LDLRAD3: variants seen among roughly 807,000 people sequenced by gnomAD.
LDLRAD3 encodes the protein low-density lipoprotein receptor class A domain-containing protein 3.
Under a neutral mutation model 29.4 loss-of-function variants are expected in LDLRAD3, and 20 were observed. The observed-to-expected ratio is 0.68, with a 90% CI of 0.48 to 0.99. The LOEUF (loss-of-function observed/expected upper bound fraction) is 0.99. Ranked by LOEUF, LDLRAD3 falls within the 50% of genes least tolerant of loss-of-function variation. The pLI is 0.00. For synonymous variants in LDLRAD3, 157 were observed against 192.7 expected (o/e 0.81, Z 1.53); for missense variants, 420 against 454.3 (o/e 0.92, Z 0.69).
At position 36,072,206 on chromosome 11, in the gene LDLRAD3, G is replaced by A. The variant is rs564010304; in HGVS notation, c.194-9447G>A. 7.1e-4 allele frequency among the ~76,000 whole-genome samples: 108 copies of A among 152,300 alleles called. No individual in the cohort carries two copies. In the South Asian group the frequency reaches 0.012, roughly 16 times the overall value. On this transcript the variant is annotated intron_variant, in intron 2 of 5. Transcript: ENST00000315571. The stretch of plus-strand genomic sequence containing the variant: ...ACAGAGGTCTAGAAGAGAGATCCTG[G>A]AGACCCACAGCTACAGCAGGAGCTG...
chr11:36,224,818 G>A (rs867659065), intron 4 of LDLRAD3, among the ~76,000 whole-genome samples: 3 of 152,166 alleles, frequency 2.0e-5, no homozygotes, highest in African/African-American at 4.8e-5. Flanking sequence ...AATGTGTTTC[G>A]CAGGTTTGTG....
chr11:36,142,093 A>C (rs1854094636), intron 4 of LDLRAD3, among the ~76,000 whole-genome samples: 1 of 151,890 alleles, frequency 6.6e-6, no homozygotes, highest in East Asian at 1.9e-4. Flanking sequence ...CCCCTTCTTC[A>C]CTTTTGGGGA....
chr11:36,009,915 C>A (rs1267510572), intron 1 of LDLRAD3, among the ~76,000 whole-genome samples: 1 of 152,150 alleles, frequency 6.6e-6, no homozygotes, highest in Admixed American at 6.6e-5. Flanking sequence ...CACTCATGAT[C>A]GGATTCTACT....
chr11:36,020,523 G>A (rs961463103), intron 1 of LDLRAD3, among the ~76,000 whole-genome samples: 1 of 151,484 alleles, frequency 6.6e-6, no homozygotes, highest in African/African-American at 2.4e-5. Flanking sequence ...TCTCCATTTC[G>A]ATAGACACTC....
chr11:36,230,780 A>G lies in LDLRAD3; in HGVS notation c.*1383A>G, dbSNP rs1454728551. 1 of 152,596 alleles carries G rather than the reference A, an allele frequency of 6.6e-6. No homozygotes were observed. The highest frequency in any genetic ancestry group is 2.1e-4 in the South Asian group (1 of 4,810). The allele number at this position is 152,596 out of a possible 1,614,324, so 9.5% of individuals were successfully genotyped here. A position where few individuals can be genotyped will look rare whatever the true frequency, so the allele number is the denominator to read the frequency against. ...GGTCCAAAGAAAGATGCAAAAGGAG[A>G]TCACACCCTTGCCCCGCTGAGCCCC... On this transcript the variant is annotated 3_prime_UTR_variant, in exon 6 of 6. Transcript: ENST00000315571.
At chr11:36,003,956 C>T (rs1215044155) in intron 1 of LDLRAD3, among the ~76,000 whole-genome samples, 2 of 152,108 alleles carry the variant, frequency 1.3e-5, no homozygotes, top group African/African-American at 4.8e-5. Context: ...CATGAGAACT[C>T]ACTGTCACAA....
intron 1 of LDLRAD3, among the ~76,000 whole-genome samples, chr11:36,027,852 A>G (rs1852187506): frequency 6.6e-6 from 1 of 152,216 alleles, no homozygotes; most frequent in African/African-American, 2.4e-5. Flanking sequence ...GCCCTGGCTT[A>G]TCACAAGCCA....
At chr11:36,114,110 T>A (rs1853642391) in intron 4 of LDLRAD3, among the ~76,000 whole-genome samples, 1 of 152,214 alleles carries the variant, frequency 6.6e-6, no homozygotes, top group African/African-American at 2.4e-5. Flanking sequence ...ACTGAGCCGA[T>A]AGGTCAAAGG....
intron 4 of LDLRAD3, among the ~76,000 whole-genome samples, chr11:36,221,865 C>T (rs150098349): frequency 3.9e-5 from 6 of 152,284 alleles, no homozygotes; most frequent in African/African-American, 1.4e-4. Context: ...TATACATTCT[C>T]TACTGAACTT....
chr11:35,982,862 T>C (rs1753013184), intron 1 of LDLRAD3, among the ~76,000 whole-genome samples: 1 of 148,214 alleles, frequency 6.7e-6, no homozygotes, highest in Admixed American at 6.7e-5. Context: ...TTTTTTTTTT[T>C]TTTTTTTTTG....
intron 1 of LDLRAD3, among the ~76,000 whole-genome samples, chr11:36,005,894 G>A (rs903309579): frequency 6.6e-6 from 1 of 152,146 alleles, no homozygotes; most frequent in Non-Finnish European, 1.5e-5. Context: ...TGCCACACAT[G>A]TTTAAAGCAT....
chr11:36,027,616 AT>A (rs1852184768), intron 1 of LDLRAD3, among the ~76,000 whole-genome samples: 1 of 152,094 alleles, frequency 6.6e-6, no homozygotes, highest in Admixed American at 6.5e-5. Flanking sequence ...TTCTGGCCTT[AT>A]TGCTTAGTTG....
At chr11:36,051,462 A>G (rs1435970462) in intron 2 of LDLRAD3, among the ~76,000 whole-genome samples, 2 of 152,216 alleles carry the variant, frequency 1.3e-5, no homozygotes, top group East Asian at 1.9e-4. Flanking sequence ...AAAATGAGAT[A>G]GGAATAGTTC....
At chr11:35,947,824 C>T (rs879213816) in intron 1 of LDLRAD3, among the ~76,000 whole-genome samples, 1 of 152,162 alleles carries the variant, frequency 6.6e-6, no homozygotes, top group Admixed American at 6.5e-5. Context: ...CATGCCTTTC[C>T]TCCACAGTGC....
At chr11:36,098,780 T>C (rs1853402825) in intron 4 of LDLRAD3, among the ~76,000 whole-genome samples, 1 of 152,258 alleles carries the variant, frequency 6.6e-6, no homozygotes, top group African/African-American at 2.4e-5. Flanking sequence ...CAACGCTTTA[T>C]TGGGGCAATC....
chr11:36,156,553 T>C (rs1249568675), intron 4 of LDLRAD3, among the ~76,000 whole-genome samples: 1 of 152,232 alleles, frequency 6.6e-6, no homozygotes, highest in Non-Finnish European at 1.5e-5. Flanking sequence ...CCTTGAAATA[T>C]ACACAGATTG....
At chr11:36,227,496 A>G (rs891114821) in intron 5 of LDLRAD3, 66 bp downstream of exon 5, 1 of 1,225,086 alleles carries the variant, frequency 8.2e-7, no homozygotes. Context: ...GAATAGGTGC[A>G]CACACTGAGG....
chr11:36,114,319 C>T (rs182345609), intron 4 of LDLRAD3, among the ~76,000 whole-genome samples: 19 of 152,280 alleles, frequency 1.2e-4, no homozygotes, highest in Middle Eastern at 3.4e-3. Flanking sequence ...CGGTGCCAAC[C>T]GGGAGAAATC....
intron 1 of LDLRAD3, among the ~76,000 whole-genome samples, chr11:36,027,332 G>T (rs1425714803): frequency 6.6e-6 from 1 of 152,080 alleles, no homozygotes; most frequent in Non-Finnish European, 1.5e-5. Flanking sequence ...TTTTCTACTG[G>T]GCTGCTTGTA....
Sources: gnomAD v4.1 joint callset for allele counts (sites outside exome capture counted in the v4.1 genomes callset) on GRCh38, gnomAD v4.1.1 for gene constraint, MANE v1.5 for transcripts, NCBI Gene and HGNC (gene_info 2026-07-23, HGNC 2026-07-21) for gene names.